SOX6: variants seen among roughly 807,000 people sequenced by gnomAD.
SOX6 encodes the protein transcription factor SOX-6.
A neutral mutation model predicts 97.8 loss-of-function variants in SOX6; 11 were observed. The ratio of observed to expected loss-of-function variants is 0.11; its 90% CI spans 0.07 to 0.19. The LOEUF (loss-of-function observed/expected upper bound fraction) is 0.19, where lower values mean the gene tolerates loss of function less well. SOX6 is among the 10% of genes least tolerant of loss of function. The pLI, the probability that SOX6 is intolerant of heterozygous loss-of-function variation, is 1.00. For missense variants in SOX6, 810 were observed against 1,039.5 expected (o/e 0.78, Z 3.04); for synonymous variants, 360 against 371.4 (o/e 0.97, Z 0.35).
chr11:16,348,904 T>C (rs1590146637), intron 1 of SOX6, among the ~76,000 whole-genome samples: 1 of 152,122 alleles, frequency 6.6e-6, no homozygotes, highest in South Asian at 2.1e-4. Context: ...TTAATATCTC[T>C]ACACAAGTTT....
intron 4 of SOX6, among the ~76,000 whole-genome samples, chr11:16,566,691 A>G (rs574747557): frequency 1.3e-5 from 2 of 152,368 alleles, no homozygotes; most frequent in Non-Finnish European, 2.9e-5. Context: ...AGTGTTTGCA[A>G]GAATGTAGAG....
chr11:16,381,543 A>ATT (rs1214452412), intron 1 of SOX6, among the ~76,000 whole-genome samples: 3 of 151,870 alleles, frequency 2.0e-5, no homozygotes, highest in Non-Finnish European at 4.4e-5. Context: ...CTCTGCTGCA[A>ATT]TTTTTTAAGT....
chr11:16,024,781 T>A (rs1245283942), intron 12 of SOX6, among the ~76,000 whole-genome samples: 1 of 152,028 alleles, frequency 6.6e-6, no homozygotes, highest in Middle Eastern at 3.2e-3. Flanking sequence ...CCTGCTGAAA[T>A]GAACTAATGT....
chr11:16,139,179 T>C, intron 6 of SOX6, among the ~76,000 whole-genome samples: 1 of 152,190 alleles, frequency 6.6e-6, no homozygotes, highest in East Asian at 1.9e-4. Context: ...CTACCAGGTT[T>C]TTTCCACTAT....
At chr11:16,594,697 T>TG (rs1554976704) in intron 4 of SOX6, among the ~76,000 whole-genome samples, 6 of 130,222 alleles carry the variant, frequency 4.6e-5, no homozygotes, top group African/African-American at 1.8e-4. Flanking sequence ...TTTTTTTTTT[T>TG]TTTTTTTTTT....
At chr11:16,129,938 G>T (rs545250741) in intron 6 of SOX6, among the ~76,000 whole-genome samples, 1 of 152,030 alleles carries the variant, frequency 6.6e-6, no homozygotes, top group African/African-American at 2.4e-5. Context: ...AATCAATATT[G>T]TACTGGATTT....
intron 1 of SOX6, among the ~76,000 whole-genome samples, chr11:16,405,134 G>C (rs1268389655): frequency 6.6e-6 from 1 of 151,968 alleles, no homozygotes; most frequent in Non-Finnish European, 1.5e-5. Flanking sequence ...GTCGCATTAT[G>C]AGGTTTTTAA....
intron 2 of SOX6, among the ~76,000 whole-genome samples, chr11:16,326,045 C>T (rs1235334939): frequency 6.6e-6 from 1 of 152,054 alleles, no homozygotes; most frequent in Non-Finnish European, 1.5e-5. Context: ...AAATAAATGT[C>T]TGTTGTTTAT....
At chr11:16,318,384 T>A in intron 3 of SOX6, 62 bp downstream of exon 3, 1 of 1,573,732 alleles carries the variant, frequency 6.4e-7, no homozygotes, top group Non-Finnish European at 8.7e-7. Flanking sequence ...TTTTTTTTTT[T>A]TTTAAGGCCT....
intron 1 of SOX6, among the ~76,000 whole-genome samples, chr11:16,423,684 G>A (rs368739233): frequency 6.6e-6 from 1 of 152,134 alleles, no homozygotes; most frequent in African/African-American, 2.4e-5. Flanking sequence ...TGAATTTGAA[G>A]TGACAATGAG....
In SOX6 at chr11:16,501,343, A is replaced by G. The variant is rs189843822; in HGVS notation, n.610-24955T>C. Among the ~76,000 whole-genome samples the G allele has an allele frequency of 3.9e-3, 600 of 152,298 alleles. 3 individuals carry two copies. Among genetic ancestry groups the G allele is most frequent in the African/African-American group, 0.014 (580 of 41,554 alleles). On this transcript the variant is annotated intron_variant and non_coding_transcript_variant, in intron 4 of 5. Coordinates refer to the SOX6 transcript ENST00000524520. Reference sequence around the variant, plus strand: ...ATTAAAGACTTAAATGTTAGACCTAAAACCATAAAAACCCTAGAAGAAAAC... The same window carrying G: ...ATTAAAGACTTAAATGTTAGACCTAGAACCATAAAAACCCTAGAAGAAAAC...
intron 1 of SOX6, among the ~76,000 whole-genome samples, chr11:16,431,865 C>T (rs1203915207): frequency 1.3e-5 from 2 of 152,076 alleles, no homozygotes; most frequent in Non-Finnish European, 2.9e-5. Context: ...ATTAAACACA[C>T]TAACATTCAG....
Position 16,101,341 on chromosome 11 carries a change from A to T in SOX6, c.899-3653T>A, listed in dbSNP as rs566858992. On this transcript the variant is annotated intron_variant, in intron 7 of 15. Transcript: ENST00000683767. The stretch of plus-strand genomic sequence containing the variant: ...AAGCTTCAATTTGTCCTGAGGACAA[A>T]TGAAAAATAAAATTAGCAAGGATTA... 2.6e-5 allele frequency among the ~76,000 whole-genome samples: 4 copies of T among 151,802 alleles called. No homozygotes were observed. In the South Asian group the frequency reaches 8.3e-4, roughly 31 times the overall value.
At chr11:15,979,776 A>G (rs1853607172) in intron 15 of SOX6, among the ~76,000 whole-genome samples, 2 of 152,008 alleles carry the variant, frequency 1.3e-5, no homozygotes, top group African/African-American at 4.8e-5. Context: ...CCTTTGCTCA[A>G]ATGTTGCTTT....
At chr11:16,322,233 C>T (rs1203771998) in intron 2 of SOX6, among the ~76,000 whole-genome samples, 2 of 152,070 alleles carry the variant, frequency 1.3e-5, no homozygotes, top group East Asian at 3.9e-4. Context: ...GGAGGAGAGG[C>T]TTGGTGGGTG....
At chr11:16,673,530 A>C (rs1402129564) in intron 3 of SOX6, among the ~76,000 whole-genome samples, 2 of 152,192 alleles carry the variant, frequency 1.3e-5, no homozygotes, top group African/African-American at 4.8e-5. Context: ...ATTCCTAGAC[A>C]CATAAAACCT....
intron 6 of SOX6, among the ~76,000 whole-genome samples, chr11:16,133,505 C>A (rs151084298): frequency 6.6e-6 from 1 of 152,156 alleles, no homozygotes; most frequent in East Asian, 1.9e-4. Flanking sequence ...GACAAAAATA[C>A]CAATATTTTC....
intron 3 of SOX6, among the ~76,000 whole-genome samples, chr11:16,623,291 G>A (rs536643793): frequency 6.6e-6 from 1 of 152,298 alleles, no homozygotes; most frequent in South Asian, 2.1e-4. Context: ...AAAGTGCTAG[G>A]ATTACAGGCG....
intron 3 of SOX6, among the ~76,000 whole-genome samples, chr11:16,637,317 T>C (rs1387280647): frequency 6.6e-6 from 1 of 152,128 alleles, no homozygotes; most frequent in African/African-American, 2.4e-5. Context: ...ACCTGCTGGG[T>C]TCCAACGATT....
Sources: allele counts gnomAD v4.1 joint callset (sites outside exome capture counted in the v4.1 genomes callset), GRCh38; gene constraint gnomAD v4.1.1; transcripts MANE v1.5; gene names NCBI Gene and HGNC (gene_info 2026-07-23, HGNC 2026-07-21).